Variants in EDARADD observed in about 807,000 individuals in gnomAD.
EDARADD encodes ectodysplasin-A receptor-associated adapter protein.
EDARADD carries 20 observed loss-of-function variants against 25.6 expected under a neutral mutation model. The ratio of observed to expected loss-of-function variants is 0.78; its 90% CI spans 0.55 to 1.14. The LOEUF is 1.14. Among genes scored for constraint, EDARADD ranks in the 50% most tolerant of loss-of-function variants. The probability of loss-of-function intolerance (pLI) is 0.00; values close to 1 mark genes in which losing one functional copy is unlikely to be tolerated. For missense variants in EDARADD, 225 were observed against 270.1 expected (o/e 0.83, Z 1.17); for synonymous variants, 86 against 94.4 (o/e 0.91, Z 0.52).
At chr1:236,359,160 T>C (rs931065189) in intron 3 of EDARADD, among the ~76,000 whole-genome samples, 1 of 152,196 alleles carries the variant, frequency 6.6e-6, no homozygotes, top group African/African-American at 2.4e-5. Context: ...TAGGATCCCT[T>C]TCCTGATGTC....
chr1:236,405,887 T>A (rs1488213282), intron 1 of EDARADD, among the ~76,000 whole-genome samples: 1 of 39,706 alleles, frequency 2.5e-5, no homozygotes, highest in African/African-American at 8.3e-5. Flanking sequence ...CTTTCTTTCT[T>A]TCTTTCTTTC....
intron 4 of EDARADD, among the ~76,000 whole-genome samples, chr1:236,453,278 CTTTTTTTT>C (rs71672500): frequency 6.0e-5 from 8 of 133,888 alleles, no homozygotes; most frequent in South Asian, 2.5e-4. Context: ...TTCTTTTTTT[CTTTTTTTT>C]TTTTTTTTTT....
chr1:236,351,582 T>G (rs1422907842), intron 3 of EDARADD, among the ~76,000 whole-genome samples: 1 of 151,818 alleles, frequency 6.6e-6, no homozygotes, highest in Non-Finnish European at 1.5e-5. Context: ...TGGTGGCGCA[T>G]GCCTGTAATC....
intron 3 of EDARADD, among the ~76,000 whole-genome samples, chr1:236,386,886 C>T (rs1667360748): frequency 1.2e-5 from 1 of 86,176 alleles, no homozygotes; most frequent in South Asian, 6.2e-4. Flanking sequence ...GGTCAGCCCC[C>T]CCGCCCGGCC....
At chr1:236,474,321 C>A (rs1659447467) in intron 5 of EDARADD, among the ~76,000 whole-genome samples, 1 of 152,150 alleles carries the variant, frequency 6.6e-6, no homozygotes, top group Non-Finnish European at 1.5e-5. Context: ...AGGCTTTCTT[C>A]GTTTGAGCCA....
rs74756697 is a variant in EDARADD at position 236,421,390 on chromosome 1, G to A, written c.161-6002G>A. ...AAAAAGAGAACAAGGACTGTGCGTGGTCCCCTTGGTAAGGGGCGTTGTTTG... is the reference window on the plus strand; with the variant it reads ...AAAAAGAGAACAAGGACTGTGCGTGATCCCCTTGGTAAGGGGCGTTGTTTG... On this transcript the variant is annotated intron_variant, in intron 3 of 5. Transcript: ENST00000334232. Among the ~76,000 whole-genome samples the A allele has an allele frequency of 2.5e-3, 364 of 145,718 alleles. 30 individuals carry two copies. Among genetic ancestry groups the A allele is most frequent in the African/African-American group, 8.7e-3 (348 of 39,966 alleles).
At chr1:236,382,997 T>C (rs1667318082) in intron 3 of EDARADD, among the ~76,000 whole-genome samples, 1 of 152,160 alleles carries the variant, frequency 6.6e-6, no homozygotes, top group Admixed American at 6.6e-5. Context: ...GTCCTGAGAC[T>C]TCTAGATGTT....
chr1:236,369,722 C>G (rs1667154470), intron 3 of EDARADD, among the ~76,000 whole-genome samples: 1 of 152,088 alleles, frequency 6.6e-6, no homozygotes, highest in African/African-American at 2.4e-5. Context: ...CCTGTAATCC[C>G]AGCTACTTGG....
At chr1:236,422,895 C>T (rs1435790425) in intron 3 of EDARADD, among the ~76,000 whole-genome samples, 3 of 152,214 alleles carry the variant, frequency 2.0e-5, no homozygotes, top group Non-Finnish European at 4.4e-5. Context: ...GCATAATGGA[C>T]AGCGCAGTAT....
chr1:236,440,013 A>C (rs192978418), intron 4 of EDARADD, among the ~76,000 whole-genome samples: 27 of 152,274 alleles, frequency 1.8e-4, no homozygotes, highest in Non-Finnish European at 3.2e-4. Context: ...ATTTTGAGTT[A>C]ATTTTTGTGA....
At chr1:236,399,110 G>A (rs1440537688) in intron 1 of EDARADD, among the ~76,000 whole-genome samples, 2 of 152,156 alleles carry the variant, frequency 1.3e-5, no homozygotes, top group Non-Finnish European at 2.9e-5. Context: ...AAAGTAAGAT[G>A]TTTGTATATC....
In EDARADD at chr1:236,482,623, C is replaced by A. The variant is rs750157040; in HGVS notation, c.622C>A (p.Arg208Ser). ...WVDEEWPKRE[R>S]GDPSRHF ...GGACGAGGAGTGGCCCAAGCGGGAG[C>A]GTGGAGACCCCTCCAGGCACTTCTA... is the stretch of plus-strand genomic sequence containing the variant. The change falls in exon 6 of 6, where the codon CGT becomes AGT. Residue 208 changes from arginine (R) to serine (S), a missense_variant. Coordinates refer to ENST00000334232, the MANE Select transcript of EDARADD (RefSeq NM_145861.4). The A allele has an allele frequency of 1.2e-6, 2 of 1,612,020 alleles. No individual in the cohort carries two copies. Among genetic ancestry groups the A allele is most frequent in the Non-Finnish European group, 1.7e-6 (2 of 1,180,038 alleles).
rs1186540591 is a variant in EDARADD, at chr1:236,413,824, G to C, written c.121-436G>C. Among the ~76,000 whole-genome samples, 40 of 152,152 alleles carry C rather than the reference G, an allele frequency of 2.6e-4. 1 individual carries two copies. Among genetic ancestry groups the C allele is most frequent in the Admixed American group, 2.6e-3 (40 of 15,276 alleles). The stretch of plus-strand genomic sequence containing the variant: ...GGATCTTTTGAATCATCCTGTCTCA[G>C]TCGACCCAGGCCAGAGCTCTGCAAT... On this transcript the variant is annotated intron_variant, in intron 2 of 5. Coordinates refer to ENST00000334232, the MANE Select transcript of EDARADD (RefSeq NM_145861.4).
intron 4 of EDARADD, 77 bp from the exon 5 acceptor site, chr1:236,468,154 A>G: frequency 6.8e-7 from 1 of 1,465,996 alleles, no homozygotes; most frequent in Non-Finnish European, 9.6e-7. Flanking sequence ...GTGGAAATTT[A>G]ACTAAGTTGG....
At chr1:236,467,465 C>G (rs1483458245) in intron 4 of EDARADD, among the ~76,000 whole-genome samples, 1 of 150,402 alleles carries the variant, frequency 6.6e-6, no homozygotes, top group Non-Finnish European at 1.5e-5. Context: ...CATACACACA[C>G]CTGTCCAAGA....
intron 4 of EDARADD, among the ~76,000 whole-genome samples, chr1:236,455,853 G>T (rs914398782): frequency 6.6e-6 from 1 of 152,180 alleles, no homozygotes; most frequent in Non-Finnish European, 1.5e-5. Context: ...GCAGTTGCGC[G>T]ATCTTTGCTC....
intron 1 of EDARADD, among the ~76,000 whole-genome samples, chr1:236,404,929 A>G (rs1161357941): frequency 6.6e-6 from 1 of 152,142 alleles, no homozygotes; most frequent in African/African-American, 2.4e-5. Context: ...CCCCATCTCT[A>G]CTAAAAATGC....
chr1:236,405,885 C>CCT (rs1252551007), intron 1 of EDARADD, among the ~76,000 whole-genome samples: 1 of 36,554 alleles, frequency 2.7e-5, no homozygotes, highest in African/African-American at 9.2e-5. Flanking sequence ...TTCTTTCTTT[C>CCT]TTTCTTTCTT....
intron 3 of EDARADD, among the ~76,000 whole-genome samples, chr1:236,356,733 A>G (rs1235473794): frequency 6.8e-6 from 1 of 147,022 alleles, no homozygotes; most frequent in Non-Finnish European, 1.5e-5. Context: ...GTGTACTTAC[A>G]GCCCCTTTAA....
Sources: gnomAD v4.1 joint callset for allele counts (sites outside exome capture counted in the v4.1 genomes callset) on GRCh38, gnomAD v4.1.1 for gene constraint, MANE v1.5 for transcripts, NCBI Gene and HGNC (gene_info 2026-07-23, HGNC 2026-07-21) for gene names.